DCLRE1A: variants seen among roughly 807,000 people sequenced by gnomAD.
The protein encoded by DCLRE1A is DNA cross-link repair 1A protein.
Under a neutral mutation model 91.9 loss-of-function variants are expected in DCLRE1A, and 64 were observed. That is an observed-to-expected ratio of 0.70 (90% CI 0.57 to 0.86). DCLRE1A has a LOEUF of 0.86. Ranked by LOEUF, DCLRE1A falls within the 40% of genes least tolerant of loss-of-function variation. The pLI is 0.00. For missense variants in DCLRE1A, 1,145 were observed against 1,213.3 expected, an observed-to-expected ratio of 0.94 and a Z score of 0.84; for synonymous variants, 416 against 431.1, an observed-to-expected ratio of 0.96 and a Z score of 0.43.
At position 113,853,860 on chromosome 10, in the gene DCLRE1A, C is replaced by T. The variant is rs1845702375; in HGVS notation, c.-678G>A. On this transcript the variant is annotated 5_prime_UTR_variant, in exon 1 of 9. Transcript: ENST00000361384. ...CAATGAACAATCCCTGCACAGTGAACAAAAAAAGTTGATATGTGAAAAAAG... is the reference window on the plus strand; with the variant it reads ...CAATGAACAATCCCTGCACAGTGAATAAAAAAAGTTGATATGTGAAAAAAG... 1 of 152,120 alleles carries T rather than the reference C, an allele frequency of 6.6e-6. No homozygotes were observed. Among genetic ancestry groups the T allele is most frequent in the African/African-American group, 2.4e-5 (1 of 41,412 alleles). 9.4% of individuals were successfully genotyped at this position (152,120 alleles called of 1,614,324 possible).
chr10:113,852,681 T>A, intron 1 of DCLRE1A, 42 bp downstream of exon 1: 1 of 1,549,164 alleles, frequency 6.5e-7, no homozygotes, highest in Non-Finnish European at 8.7e-7. Flanking sequence ...AATGAAGACT[T>A]TTTAGATTAT....
chr10:113,852,900 C>T lies in DCLRE1A; in HGVS notation c.283G>A (p.Glu95Lys). 6.2e-7 allele frequency: 1 copy of T among 1,614,100 alleles called. No individual in the cohort carries two copies. Among genetic ancestry groups the T allele is most frequent in the Non-Finnish European group, 8.5e-7 (1 of 1,180,026 alleles). Residue 95 changes from glutamate to lysine, a missense_variant, in exon 1 of 9, where the codon GAA becomes AAA. Glu to Lys is a moderately conservative substitution (Grantham distance 56). Coordinates refer to ENST00000361384, the MANE Select transcript of DCLRE1A (RefSeq NM_014881.5). Reference sequence around the variant, plus strand: ...CTACAGAGTTTTCCTGGAGTAGTTTCCTTGTCTTGGGTCTGCTGAATACCA... The same window carrying T: ...CTACAGAGTTTTCCTGGAGTAGTTTTCTTGTCTTGGGTCTGCTGAATACCA... Reference protein sequence around the residue: ...GDGIQQTQDKETTPGKLCRTQ... With the variant: ...GDGIQQTQDKKTTPGKLCRTQ...
chr10:113,852,070 T>A (rs1788572606), intron 1 of DCLRE1A, among the ~76,000 whole-genome samples: 1 of 151,996 alleles, frequency 6.6e-6, no homozygotes, highest in Non-Finnish European at 1.5e-5. Context: ...GGCGCGGTGG[T>A]TCATGCCTGT....
At chr10:113,847,561 C>T (rs1221521739) in intron 2 of DCLRE1A, among the ~76,000 whole-genome samples, 1 of 72,868 alleles carries the variant, frequency 1.4e-5, no homozygotes, top group Non-Finnish European at 3.7e-5. Context: ...TGAATAATTG[C>T]ACCAAAAAAA....
intron 6 of DCLRE1A, among the ~76,000 whole-genome samples, chr10:113,841,900 C>T (rs188449277): frequency 3.9e-4 from 59 of 152,168 alleles, no homozygotes; most frequent in African/African-American, 1.3e-3. Flanking sequence ...TGTGGCCATA[C>T]GTAAGAAGAA....
Position 113,847,313 on chromosome 10 carries a change from G to C in DCLRE1A, c.2148C>G (p.Ala716=), listed in dbSNP as rs1845555505. The part of the protein sequence containing the change: ...KIPGTGFTVD[A]FQYGVVEGCT... Reference sequence around the variant, plus strand: ...AACCTTCAACCACGCCATACTGAAAGGCATCAACTGTAAAGCCGGTTCCTG... The same window carrying C: ...AACCTTCAACCACGCCATACTGAAACGCATCAACTGTAAAGCCGGTTCCTG... The change falls in exon 3 of 9, where the codon GCC becomes GCG. Residue 716 remains alanine (A), a synonymous_variant. Coordinates refer to ENST00000361384, the MANE Select transcript of DCLRE1A (RefSeq NM_014881.5). 1 of 1,613,800 alleles carries C rather than the reference G, an allele frequency of 6.2e-7. No homozygotes were observed. Among genetic ancestry groups the C allele is most frequent in the Non-Finnish European group, 8.5e-7 (1 of 1,179,830 alleles).
chr10:113,845,451 T>C (rs1845521428), intron 4 of DCLRE1A, among the ~76,000 whole-genome samples: 1 of 152,214 alleles, frequency 6.6e-6, no homozygotes, highest in African/African-American at 2.4e-5. Context: ...AGATGTCAAG[T>C]GTAGTAATTT....
chr10:113,841,239 A>T (rs1310867601), intron 7 of DCLRE1A, among the ~76,000 whole-genome samples, 167 bp downstream of exon 7: 1 of 152,206 alleles, frequency 6.6e-6, no homozygotes, highest in East Asian at 1.9e-4. Context: ...AGAGTTGCAC[A>T]TCTAGAAAAA....
chr10:113,854,155 T>C, upstream of DCLRE1A: 1 of 152,432 alleles, frequency 6.6e-6, no homozygotes, highest in Non-Finnish European at 1.5e-5. Flanking sequence ...GCCCCCCACC[T>C]GCCACTCGGC....
rs1845339070 is a variant in DCLRE1A at position 113,834,848 on chromosome 10, C to T, written c.*304G>A. 1 of 212,996 alleles carries T rather than the reference C, an allele frequency of 4.7e-6. No individual in the cohort carries two copies. Among genetic ancestry groups the T allele is most frequent in the Non-Finnish European group, 9.2e-6 (1 of 108,898 alleles). 13.2% of individuals were successfully genotyped at this position (212,996 alleles called of 1,614,324 possible). A position where few individuals can be genotyped will look rare whatever the true frequency, so the allele number is the denominator to read the frequency against. On this transcript the variant is annotated 3_prime_UTR_variant, in exon 9 of 9. Coordinates refer to ENST00000361384, the MANE Select transcript of DCLRE1A (RefSeq NM_014881.5). ...ACTACTTTATTAATTATCATTAATC[C>T]TTTTGGTCCCTGAATCTGCCTTTGC...
intron 7 of DCLRE1A, among the ~76,000 whole-genome samples, chr10:113,840,566 G>A (rs1215000153): frequency 6.6e-6 from 1 of 151,970 alleles, no homozygotes; most frequent in Non-Finnish European, 1.5e-5. Context: ...GATTCTCCCT[G>A]TCCATTAAAA....
Position 113,846,889 on chromosome 10 carries a change from C to G in DCLRE1A, c.2259+313G>C, listed in dbSNP as rs1348611273. Among the ~76,000 whole-genome samples the G allele has an allele frequency of 2.0e-5, 3 of 152,310 alleles. No individual in the cohort carries two copies. In the East Asian group the frequency reaches 5.8e-4, roughly 29 times the overall value. ...TCCATGGATAGGGCACTCACAGATACAGCAGGCTGACTGTATTTTGCCTTG... is the reference window on the plus strand; with the variant it reads ...TCCATGGATAGGGCACTCACAGATAGAGCAGGCTGACTGTATTTTGCCTTG... On this transcript the variant is annotated intron_variant, in intron 3 of 8. Coordinates refer to ENST00000361384, the MANE Select transcript of DCLRE1A (RefSeq NM_014881.5).
At chr10:113,845,603 T>C in intron 4 of DCLRE1A, 82 bp downstream of exon 4, 2 of 1,020,610 alleles carry the variant, frequency 2.0e-6, no homozygotes, top group Non-Finnish European at 1.5e-6. Context: ...TTAATTATAA[T>C]GAAAAAAGTT....
intron 5 of DCLRE1A, among the ~76,000 whole-genome samples, chr10:113,843,298 C>T (rs1293022298): frequency 2.0e-5 from 3 of 152,060 alleles, no homozygotes; most frequent in Non-Finnish European, 2.9e-5. Context: ...CCTATAACAA[C>T]CCATGAGGAA....
chr10:113,844,361 T>C, intron 4 of DCLRE1A, 117 bp from the exon 5 acceptor site: 1 of 1,321,724 alleles, frequency 7.6e-7, no homozygotes. Context: ...GACATAGCAT[T>C]GCACTACAGG....
chr10:113,841,578 G>A lies in DCLRE1A; in HGVS notation c.2666-18C>T. The A allele has an allele frequency of 6.3e-7, 1 of 1,578,132 alleles. No homozygotes were observed. Among genetic ancestry groups the A allele is most frequent in the Non-Finnish European group, 8.6e-7 (1 of 1,168,230 alleles). On this transcript the variant is annotated intron_variant, in intron 6 of 8. Coordinates refer to ENST00000361384, the MANE Select transcript of DCLRE1A (RefSeq NM_014881.5). ...AGCAATGGCTATGGGCAAAAGAAAA[G>A]ATTAAAAATAGTAAACTTACAGCTT...
rs1214101968 is a variant in DCLRE1A at position 113,834,812 on chromosome 10, T to TAA, written c.*338_*339dup. On this transcript the variant is annotated 3_prime_UTR_variant, in exon 9 of 9. Transcript: ENST00000361384. ...AAAGACACATAATTACTTATATATA[T>TAA]AATGCTTCAAACTACTTTATTAATT... 1 of 167,864 alleles carries TAA rather than the reference T, an allele frequency of 6.0e-6. No homozygotes were observed. The highest frequency in any genetic ancestry group is 6.3e-5 in the Admixed American group (1 of 15,904). The allele number at this position is 167,864 out of a possible 1,614,324, so 10.4% of individuals were successfully genotyped here.
rs1845491215 is a variant in DCLRE1A at position 113,844,134 on chromosome 10, T to C, written c.2489A>G (p.Gln830Arg). 1.9e-6 allele frequency: 3 copies of C among 1,614,086 alleles called. No homozygotes were observed. The highest frequency in any genetic ancestry group is 2.2e-5 in the South Asian group (2 of 91,092). ...PSMERSLLAD[Q>R]KVHMLYLDTT... ...ATCTAAGTACAGCATATGGACTTTCTGGTCCGCAAGAAGAGAACGTTCCAT... is the reference window on the plus strand; with the variant it reads ...ATCTAAGTACAGCATATGGACTTTCCGGTCCGCAAGAAGAGAACGTTCCAT... The change falls in exon 5 of 9, where the codon CAG becomes CGG. Residue 830 changes from glutamine to arginine, a missense_variant. Physicochemically the swap from Gln to Arg is conservative, Grantham distance 43. Coordinates refer to ENST00000361384, the MANE Select transcript of DCLRE1A (RefSeq NM_014881.5).
In DCLRE1A at chr10:113,853,636, A is replaced by G. The variant is rs1487126276; in HGVS notation, c.-454T>C. ...AAGTGGACAACCGTCCAAATAATTC[A>G]TAAATCCAACCACAGTCCCTGGACA... On this transcript the variant is annotated 5_prime_UTR_variant, in exon 1 of 9. An upstream start codon of the reference 5' UTR is lost. Coordinates refer to ENST00000361384, the MANE Select transcript of DCLRE1A (RefSeq NM_014881.5). 6.4e-6 allele frequency: 1 copy of G among 155,450 alleles called. No individual in the cohort carries two copies. The highest frequency in any genetic ancestry group is 2.4e-5 in the African/African-American group (1 of 41,508). The allele number at this position is 155,450 out of a possible 1,614,324, so 9.6% of individuals were successfully genotyped here. A position where few individuals can be genotyped will look rare whatever the true frequency, so the allele number is the denominator to read the frequency against.
Sources: allele counts gnomAD v4.1 joint callset (sites outside exome capture counted in the v4.1 genomes callset), GRCh38; gene constraint gnomAD v4.1.1; transcripts MANE v1.5; gene names NCBI Gene and HGNC (gene_info 2026-07-23, HGNC 2026-07-21).